TRDMT1: variants seen among roughly 807,000 people sequenced by gnomAD.
TRDMT1 encodes tRNA aspartic acid methyltransferase 1, also known as tRNA (cytosine(38)-C(5))-methyltransferase.
A neutral mutation model predicts 51.2 loss-of-function variants in TRDMT1; 49 were observed. The observed-to-expected ratio is 0.96, with a 90% CI of 0.76 to 1.21. The LOEUF (loss-of-function observed/expected upper bound fraction) is 1.21, where lower values mean the gene tolerates loss of function less well. TRDMT1 is among the 50% of genes most tolerant of loss of function. The probability of loss-of-function intolerance (pLI) is 0.00; values close to 1 mark genes in which losing one functional copy is unlikely to be tolerated. For synonymous variants in TRDMT1, 187 were observed against 164.6 expected, an observed-to-expected ratio of 1.14 and a Z score of -1.04; for missense variants, 534 against 462.3, an observed-to-expected ratio of 1.16 and a Z score of -1.42.
In TRDMT1 at chr10:17,151,683, C is replaced by A. The variant is rs377300111; in HGVS notation, c.1075+1824G>T. 1.5e-5 allele frequency: 14 copies of A among 937,190 alleles called. No homozygotes were observed. In the African/African-American group the frequency reaches 2.1e-4, roughly 14 times the overall value. The allele number at this position is 937,190 out of a possible 1,614,324, so 58.1% of individuals were successfully genotyped here. ...AAGAGCTTTGAAAAATTCTATTTCA[C>A]CAACTTAAAATTTTAAAAAATGAGA... is the stretch of plus-strand genomic sequence containing the variant. On this transcript the variant is annotated intron_variant, in intron 10 of 10. Coordinates refer to ENST00000377799, the MANE Select transcript of TRDMT1 (RefSeq NM_004412.7).
At chr10:17,150,591 C>G (rs1279856069) in intron 10 of TRDMT1, 4 of 985,002 alleles carry the variant, frequency 4.1e-6, no homozygotes, top group Non-Finnish European at 3.6e-6. Flanking sequence ...TCAGCATACT[C>G]TAGCATAGCA....
intron 7 of TRDMT1, among the ~76,000 whole-genome samples, chr10:17,158,551 G>C (rs1839876464): frequency 6.6e-6 from 1 of 152,040 alleles, no homozygotes; most frequent in Admixed American, 6.6e-5. Context: ...ATGAAAGTTA[G>C]GGAGAGTTTC....
At chr10:17,151,724 T>C in intron 10 of TRDMT1, 1 of 850,836 alleles carries the variant, frequency 1.2e-6, no homozygotes, top group Middle Eastern at 6.0e-4. Flanking sequence ...ATTTATGAAA[T>C]AAAGATTATA....
intron 1 of TRDMT1, among the ~76,000 whole-genome samples, chr10:17,186,212 A>C (rs1403774268): frequency 6.6e-6 from 1 of 152,146 alleles, no homozygotes; most frequent in Non-Finnish European, 1.5e-5. Context: ...ACATTTCTTA[A>C]GGTGTGATAG....
chr10:17,158,271 CCT>C (rs1398830224), intron 7 of TRDMT1, among the ~76,000 whole-genome samples: 2 of 151,978 alleles, frequency 1.3e-5, no homozygotes, highest in Non-Finnish European at 2.9e-5. Flanking sequence ...ACTCATGAGT[CCT>C]ATGGGAAAAA....
At chr10:17,149,460 G>A (rs1838414004) in intron 10 of TRDMT1, among the ~76,000 whole-genome samples, 1 of 152,082 alleles carries the variant, frequency 6.6e-6, no homozygotes, top group South Asian at 2.1e-4. Flanking sequence ...TTATTTCACA[G>A]TTCTTTCTTT....
chr10:17,174,371 CT>C (rs1319038431), intron 2 of TRDMT1, among the ~76,000 whole-genome samples, 179 bp downstream of exon 2: 1 of 152,028 alleles, frequency 6.6e-6, no homozygotes. Flanking sequence ...TATAGCTGGA[CT>C]TTTTTTTAAA....
At chr10:17,163,044 C>A (rs1356709486) in intron 3 of TRDMT1, among the ~76,000 whole-genome samples, 3 of 151,884 alleles carry the variant, frequency 2.0e-5, no homozygotes, top group African/African-American at 7.2e-5. Context: ...GCTAATGGCA[C>A]TGGTGGCCAA....
Position 17,138,764 on chromosome 10 carries a change from T to G in TRDMT1, c.*10276A>C, listed in dbSNP as rs1837497694. Among the ~76,000 whole-genome samples, 1 of 152,160 alleles carries G rather than the reference T, an allele frequency of 6.6e-6. No individual in the cohort carries two copies. The highest frequency in any genetic ancestry group is 2.1e-4 in the South Asian group (1 of 4,826). ...GAACTTTTCCACTTTTTTCAAGTTT[T>G]TTTTTTTAAGTAATATAATCCCTTC... On this transcript the variant is annotated 3_prime_UTR_variant, in exon 11 of 11. Transcript: ENST00000377799.
chr10:17,182,252 T>C lies in TRDMT1; in HGVS notation c.65-7592A>G, dbSNP rs572758815. ...CAACCTAGAAGAAACAAGGCTGAGATACATGGAGAAAAAAACTGGTTTCTG... is the reference window on the plus strand; with the variant it reads ...CAACCTAGAAGAAACAAGGCTGAGACACATGGAGAAAAAAACTGGTTTCTG... On this transcript the variant is annotated intron_variant, in intron 1 of 10. Coordinates refer to ENST00000377799, the MANE Select transcript of TRDMT1 (RefSeq NM_004412.7). Among the ~76,000 whole-genome samples the C allele has an allele frequency of 7.9e-5, 12 of 152,296 alleles. No homozygotes were observed. The South Asian group carries it at 2.5e-3, about 32-fold the overall frequency.
intron 10 of TRDMT1, among the ~76,000 whole-genome samples, chr10:17,152,766 C>G (rs958221094): frequency 1.3e-5 from 2 of 152,200 alleles, no homozygotes; most frequent in Non-Finnish European, 2.9e-5. Flanking sequence ...TGTGTCCAAT[C>G]TCTTCAGAGC....
At chr10:17,154,575 C>T in intron 9 of TRDMT1, 102 bp downstream of exon 9, 2 of 666,692 alleles carry the variant, frequency 3.0e-6, no homozygotes, top group Non-Finnish European at 2.3e-6. Context: ...AATATATATT[C>T]ATGGCCAGTT....
Position 17,160,718 on chromosome 10 carries a change from G to A in TRDMT1, c.390-344C>T, listed in dbSNP as rs566236092. On this transcript the variant is annotated intron_variant, in intron 5 of 10. Coordinates refer to ENST00000377799, the MANE Select transcript of TRDMT1 (RefSeq NM_004412.7). ...GAACTCCTGACCTCATGATCCACCC[G>A]CCTCGGCCTCCCAAAGTGCTGGGAT... Among the ~76,000 whole-genome samples, 241 of 152,144 alleles carry A rather than the reference G, an allele frequency of 1.6e-3. 1 individual carries two copies. The highest frequency in any genetic ancestry group is 5.3e-3 in the African/African-American group (221 of 41,508).
At chr10:17,201,482 G>C in intron 1 of TRDMT1, 89 bp downstream of exon 1, 10 of 944,020 alleles carry the variant, frequency 1.1e-5, no homozygotes, top group South Asian at 1.5e-5. Flanking sequence ...TCCGCCCCTT[G>C]CGTCTCGCCG....
chr10:17,179,953 A>G (rs186050801), intron 1 of TRDMT1, among the ~76,000 whole-genome samples: 4 of 152,228 alleles, frequency 2.6e-5, no homozygotes, highest in East Asian at 1.9e-4. Context: ...GTTTTCTCCA[A>G]TTTGGAGGAG....
At position 17,145,042 on chromosome 10, in the gene TRDMT1, G is replaced by C; in HGVS notation, c.*3998C>G. ...GGTGGGTGGATTAACTTGAGGTCAG[G>C]TGTTCGAGACCAGCCTGGCCAACAT... On this transcript the variant is annotated 3_prime_UTR_variant, in exon 11 of 11. Transcript: ENST00000377799. The C allele has an allele frequency of 1.1e-6, 1 of 906,750 alleles. No homozygotes were observed. Among genetic ancestry groups the C allele is most frequent in the Non-Finnish European group, 1.3e-6 (1 of 758,276 alleles). 56.2% of individuals were successfully genotyped at this position (906,750 alleles called of 1,614,324 possible).
intron 1 of TRDMT1, among the ~76,000 whole-genome samples, chr10:17,197,720 T>C (rs965538913): frequency 2.0e-5 from 3 of 152,046 alleles, no homozygotes; most frequent in Non-Finnish European, 4.4e-5. Context: ...AGAAAACAAA[T>C]GACTAACAGG....
chr10:17,156,769 T>C (rs1048813730), intron 8 of TRDMT1, among the ~76,000 whole-genome samples: 6 of 152,158 alleles, frequency 3.9e-5, no homozygotes, highest in African/African-American at 1.4e-4. Context: ...GGCATATATA[T>C]AATATCCTGC....
chr10:17,173,696 T>G (rs538836278), intron 2 of TRDMT1, among the ~76,000 whole-genome samples: 1 of 152,166 alleles, frequency 6.6e-6, no homozygotes, highest in African/African-American at 2.4e-5. Context: ...ATTTATTGCA[T>G]GTAAATTATG....
Sources: gnomAD v4.1 joint callset for allele counts (sites outside exome capture counted in the v4.1 genomes callset) on GRCh38, gnomAD v4.1.1 for gene constraint, MANE v1.5 for transcripts, NCBI Gene and HGNC (gene_info 2026-07-23, HGNC 2026-07-21) for gene names.